TFEB: variants seen among roughly 807,000 people sequenced by gnomAD.
TFEB encodes transcription factor EB.
A neutral mutation model predicts 48.0 loss-of-function variants in TFEB; 12 were observed. The observed-to-expected ratio is 0.25, with a 90% CI of 0.16 to 0.40. The LOEUF is 0.40. Among genes scored for constraint, TFEB ranks in the 10% least tolerant of loss-of-function variants. The probability of loss-of-function intolerance (pLI) is 1.00; values close to 1 mark genes in which losing one functional copy is unlikely to be tolerated. For synonymous variants in TFEB, 244 were observed against 261.4 expected (o/e 0.93, Z 0.64); for missense variants, 509 against 640.3 (o/e 0.79, Z 2.21).
In TFEB at chr6:41,723,276, A is replaced by G. The variant is rs907968205; in HGVS notation, c.-23+12074T>C. On this transcript the variant is annotated intron_variant, in intron 1 of 8. Transcript: ENST00000373033. This position sits in a 1 kb window ranked among gnomAD's most constrained non-coding sequence, Gnocchi z 6.0. ...GCTCAGAGACCCCCACCCCTCCCCA[A>G]AGACATCCCAATGCCAGTGCAGCCT... Among the ~76,000 whole-genome samples, 4 of 151,416 alleles carry G rather than the reference A, an allele frequency of 2.6e-5. No homozygotes were observed. Among genetic ancestry groups the G allele is most frequent in the Non-Finnish European group, 4.4e-5 (3 of 67,796 alleles).
upstream of TFEB, chr6:41,736,080 G>C: frequency 6.2e-7 from 1 of 1,604,002 alleles, no homozygotes; most frequent in Non-Finnish European, 8.5e-7. Flanking sequence ...GCGAAGTACA[G>C]GGTAAAATAT....
intron 8 of TFEB, among the ~76,000 whole-genome samples, chr6:41,685,509 C>T (rs575773996): frequency 1.9e-4 from 29 of 152,306 alleles, no homozygotes; most frequent in Admixed American, 1.6e-3. Context: ...AGTCCAATTG[C>T]CCTTTGTGTA....
In TFEB at chr6:41,724,660, G is replaced by A. The variant is rs1170632379; in HGVS notation, c.-23+10690C>T. Reference sequence around the variant, plus strand: ...AGACCTGCAATGGGGCCTCAGATAAGGAACATGATAAATACCTCTTATCAC... The same window carrying A: ...AGACCTGCAATGGGGCCTCAGATAAAGAACATGATAAATACCTCTTATCAC... On this transcript the variant is annotated intron_variant, in intron 1 of 8. Transcript: ENST00000373033. This position sits in a 1 kb window ranked among gnomAD's most constrained non-coding sequence, Gnocchi z 4.4. Among the ~76,000 whole-genome samples the A allele has an allele frequency of 6.6e-6, 1 of 152,166 alleles. No homozygotes were observed. Among genetic ancestry groups the A allele is most frequent in the African/African-American group, 2.4e-5 (1 of 41,426 alleles).
intron 1 of TFEB, among the ~76,000 whole-genome samples, chr6:41,713,697 G>T (rs1770586061): frequency 6.6e-6 from 1 of 152,140 alleles, no homozygotes; most frequent in South Asian, 2.1e-4. Flanking sequence ...AAACAGGGAG[G>T]GCCCCTTTGC....
In TFEB at chr6:41,691,845, C is replaced by T. The variant is rs762095927; in HGVS notation, c.-22-610G>A. 2.6e-5 allele frequency among the ~76,000 whole-genome samples: 4 copies of T among 152,128 alleles called. No homozygotes were observed. The highest frequency in any genetic ancestry group is 5.9e-5 in the Non-Finnish European group (4 of 68,010). ...TAGGATCTGGCCCACCTCGTGTTCC[C>T]CTTTGACCCCATCCGCCAGCTCTCC... On this transcript the variant is annotated intron_variant, in intron 1 of 8. Transcript: ENST00000373033. The surrounding 1 kb of genome is among the most constrained non-coding windows in gnomAD (Gnocchi z 5.2).
chr6:41,709,427 A>G (rs946294177), intron 1 of TFEB, among the ~76,000 whole-genome samples: 4 of 152,250 alleles, frequency 2.6e-5, no homozygotes, highest in African/African-American at 9.6e-5. Context: ...ATAGGTGCTC[A>G]ATAAATATTA....
intron 1 of TFEB, among the ~76,000 whole-genome samples, chr6:41,717,166 C>T (rs1224717753): frequency 1.3e-5 from 2 of 152,170 alleles, no homozygotes; most frequent in South Asian, 2.1e-4. Flanking sequence ...TCATGTCTCA[C>T]CTGTGACATG....
At chr6:41,714,144 T>TGTGCATGTGCATGC (rs1298743802) in intron 1 of TFEB, among the ~76,000 whole-genome samples, 1 of 149,712 alleles carries the variant, frequency 6.7e-6, no homozygotes. Context: ...TGTGTGCGTG[T>TGTGCATGTGCATGC]GTGTGCATGT....
rs371625604 is a variant in TFEB at position 41,686,097 on chromosome 6, C to T, written c.944G>A (p.Arg315His). The T allele has an allele frequency of 3.1e-6, 5 of 1,614,244 alleles. No homozygotes were observed. The highest frequency in any genetic ancestry group is 1.1e-5 in the South Asian group (1 of 91,092). ...LEMTNKQLWL[R>H]IQELEMQARV... Reference sequence around the variant, plus strand: ...CCAAGTTCAGGACCAGACCTGGATACGGAGCCAGAGCTGCTTGTTGGTCAT... The same window carrying T: ...CCAAGTTCAGGACCAGACCTGGATATGGAGCCAGAGCTGCTTGTTGGTCAT... Residue 315 changes from arginine (R) to histidine (H), a missense_variant, in exon 8 of 9, where the codon CGT (arginine) becomes CAT (histidine). Coordinates refer to ENST00000373033, the MANE Select transcript of TFEB (RefSeq NM_001271944.2).
At chr6:41,693,379 C>T (rs1277687482) in intron 1 of TFEB, among the ~76,000 whole-genome samples, 1 of 152,240 alleles carries the variant, frequency 6.6e-6, no homozygotes, top group East Asian at 1.9e-4. Flanking sequence ...CTGCATATTA[C>T]TCTCCTTTTA....
chr6:41,690,596 T>G, intron 3 of TFEB, 67 bp downstream of exon 3: 2 of 1,431,894 alleles, frequency 1.4e-6, no homozygotes, highest in South Asian at 1.6e-5. Context: ...AGACTGGGAG[T>G]CTCAGAAGCA....
intron 1 of TFEB, among the ~76,000 whole-genome samples, chr6:41,714,221 G>C (rs1048352804): frequency 7.2e-5 from 11 of 152,030 alleles, no homozygotes; most frequent in African/African-American, 1.4e-4. Flanking sequence ...GTGCGTGTCT[G>C]TGTGTGTGCG....
chr6:41,731,660 G>A (rs915112256), intron 1 of TFEB, among the ~76,000 whole-genome samples: 2 of 152,098 alleles, frequency 1.3e-5, no homozygotes, highest in African/African-American at 2.4e-5. Context: ...GGGGTCTCTC[G>A]ACTCCTGGTC....
At chr6:41,697,406 CTCAA>C (rs1433403940) in intron 1 of TFEB, among the ~76,000 whole-genome samples, 2 of 16,672 alleles carry the variant, frequency 1.2e-4, no homozygotes, top group Non-Finnish European at 2.0e-4. Context: ...GAAACTCCAT[CTCAA>C]AAAAAAAAAA....
intron 1 of TFEB, among the ~76,000 whole-genome samples, chr6:41,702,418 G>A (rs754810697): frequency 2.0e-5 from 3 of 152,216 alleles, no homozygotes; most frequent in East Asian, 1.9e-4. Flanking sequence ...AGACCATAGT[G>A]AGGTGAGGGT....
At chr6:41,731,062 C>T (rs1324255049) in intron 1 of TFEB, among the ~76,000 whole-genome samples, 1 of 152,162 alleles carries the variant, frequency 6.6e-6, no homozygotes, top group Admixed American at 6.5e-5. Flanking sequence ...CCTCTATTTC[C>T]TCACTTAAGA....
rs560193526 is a variant in TFEB, at chr6:41,723,376, C to T, written c.-23+11974G>A. On this transcript the variant is annotated intron_variant, in intron 1 of 8. Transcript: ENST00000373033. This position sits in a 1 kb window ranked among gnomAD's most constrained non-coding sequence, Gnocchi z 6.0. ...GCACATACACTCACACAGATGCACA[C>T]AGGCTAACACACATGGACACACATT... 3 of 895,594 alleles carry T rather than the reference C, an allele frequency of 3.3e-6. No individual in the cohort carries two copies. In the Admixed American group the frequency reaches 7.0e-5, roughly 21 times the overall value. 55.5% of individuals were successfully genotyped at this position (895,594 alleles called of 1,614,324 possible). A position where few individuals can be genotyped will look rare whatever the true frequency, so the allele number is the denominator to read the frequency against.
chr6:41,710,780 C>T (rs1327247598), intron 1 of TFEB, among the ~76,000 whole-genome samples: 2 of 152,092 alleles, frequency 1.3e-5, no homozygotes, highest in Non-Finnish European at 2.9e-5. Context: ...GCCCCCAGAC[C>T]CTCCCCCAGT....
rs73733008 is a variant in TFEB, at chr6:41,724,355, T to C, written c.-23+10995A>G. ...TGCGTCTCAGGGTGGATGAGTTTAC[T>C]GGGCCCTTTCGTGAGTGCAGGTTTC... On this transcript the variant is annotated intron_variant, in intron 1 of 8. Transcript: ENST00000373033. This position sits in a 1 kb window ranked among gnomAD's most constrained non-coding sequence, Gnocchi z 4.4. 0.043 allele frequency among the ~76,000 whole-genome samples: 6,609 copies of C among 152,228 alleles called. 470 individuals are homozygous for C. The highest frequency in any genetic ancestry group is 0.15 in the African/African-American group (6,159 of 41,492).
Sources: allele counts gnomAD v4.1 joint callset (sites outside exome capture counted in the v4.1 genomes callset), GRCh38; gene constraint gnomAD v4.1.1; non-coding constraint Gnocchi (gnomAD v3.1); transcripts MANE v1.5; gene names NCBI Gene and HGNC (gene_info 2026-07-23, HGNC 2026-07-21).